Variants in PARP10 observed in about 807,000 individuals in gnomAD.
PARP10 encodes the protein poly(ADP-ribose) polymerase family member 10, also known as protein mono-ADP-ribosyltransferase PARP10.
In PARP10, 56 loss-of-function variants were observed where a neutral mutation model predicts 82.4. The observed-to-expected ratio is 0.68, with a 90% CI of 0.55 to 0.85. PARP10 has a LOEUF of 0.85. Among genes scored for constraint, PARP10 ranks in the 40% least tolerant of loss-of-function variants. The pLI, the probability that PARP10 is intolerant of heterozygous loss-of-function variation, is 0.00. For synonymous variants in PARP10, 576 were observed against 601.1 expected (o/e 0.96, Z 0.61); for missense variants, 1,227 against 1,379.4 (o/e 0.89, Z 1.75).
chr8:144,012,681 GGGCTTGGTGA>G, exon 1 of PARP10: 1 of 1,551,700 alleles, frequency 6.4e-7, no homozygotes, highest in Non-Finnish European at 8.7e-7. Flanking sequence ...GTTCACGAGT[GGGCTTGGTGA>G]GGCAACAGCA....
chr8:143,996,819 G>C (rs577799884), intron 1 of PARP10, among the ~76,000 whole-genome samples: 22 of 152,312 alleles, frequency 1.4e-4, no homozygotes, highest in Admixed American at 1.4e-3. Context: ...TGGGAGACTC[G>C]CAGCGGGCTG....
At position 143,977,786 on chromosome 8, in the gene PARP10, G is replaced by T; in HGVS notation, c.2776C>A (p.Leu926Met). The T allele has an allele frequency of 6.2e-7, 1 of 1,603,104 alleles. No homozygotes were observed. The highest frequency in any genetic ancestry group is 2.3e-5 in the East Asian group (1 of 44,224). Residue 926 changes from leucine (L) to methionine (M), a missense_variant, in exon 11 of 11, where the codon CTG becomes ATG. Coordinates refer to ENST00000313028, the MANE Select transcript of PARP10 (RefSeq NM_032789.5). ...GGCGAGTAGCGGTCCTGCACCGACA[G>T]GGAGGCGCGCCTGGCGAAATACACG... is the stretch of plus-strand genomic sequence containing the variant. ...KGVYFARRAS[L>M]SVQDRYSPPN...
chr8:143,998,979 T>G (rs1288307022), intron 1 of PARP10, among the ~76,000 whole-genome samples: 1 of 151,314 alleles, frequency 6.6e-6, no homozygotes, highest in Non-Finnish European at 1.5e-5. Context: ...AATCAAGCTT[T>G]TCTTTAATTC....
Position 143,998,071 on chromosome 8 carries a change from A to G in PARP10, c.-79-11633T>C, listed in dbSNP as rs531701384. Among the ~76,000 whole-genome samples, 139 of 152,112 alleles carry G rather than the reference A, an allele frequency of 9.1e-4. 1 individual carries two copies. The highest frequency in any genetic ancestry group is 3.3e-4 in the Admixed American group (5 of 15,274). On this transcript the variant is annotated intron_variant, in intron 1 of 3. Coordinates refer to the PARP10 transcript ENST00000530478. ...GCCTCCCAAAGTGCTGGGATTACAG[A>G]TATGAGCCACCGTGCCTAGCCAAGA... is the stretch of plus-strand genomic sequence containing the variant.
At chr8:143,990,100 T>A (rs1834065472), upstream of PARP10, 2 of 150,582 alleles carry the variant, frequency 1.3e-5, no homozygotes, top group African/African-American at 4.9e-5. The surrounding 1 kb of genome is among the most constrained non-coding windows in gnomAD (Gnocchi z 5.6). Flanking sequence ...CAGGCCCAGC[T>A]GAGCGGCCGC....
In PARP10 at chr8:143,983,822, G is replaced by A. The variant is rs1182358367; in HGVS notation, c.1778-11C>T. On this transcript the variant is annotated splice_polypyrimidine_tract_variant and intron_variant, in intron 7 of 10. Coordinates refer to ENST00000313028, the MANE Select transcript of PARP10 (RefSeq NM_032789.5). ...GTTCTCGGACCTCCTCTGGGGGCAG[G>A]GAGAGGCCATTGGGTCAGGGGCTGG... 21 of 1,562,844 alleles carry A rather than the reference G, an allele frequency of 1.3e-5. No homozygotes were observed. The highest frequency in any genetic ancestry group is 1.8e-5 in the Admixed American group (1 of 54,126).
chr8:143,980,122 C>T (rs1486419390), intron 9 of PARP10, among the ~76,000 whole-genome samples: 2 of 149,606 alleles, frequency 1.3e-5, no homozygotes, highest in Non-Finnish European at 3.0e-5. Context: ...GAGATTGAGA[C>T]CATCCTGGCT....
In PARP10 at chr8:144,011,982, A is replaced by G. The variant is rs935469983; in HGVS notation, c.-80+548T>C. Reference sequence around the variant, plus strand: ...CCAAGAAGGGGCATCCTGGCCAGGAAGGTGGAGTGGTGGGTTTTCATTCAA... The same window carrying G: ...CCAAGAAGGGGCATCCTGGCCAGGAGGGTGGAGTGGTGGGTTTTCATTCAA... On this transcript the variant is annotated intron_variant, in intron 1 of 3. Coordinates refer to the PARP10 transcript ENST00000530478. The surrounding 1 kb of genome is among the most constrained non-coding windows in gnomAD (Gnocchi z 4.5). Among the ~76,000 whole-genome samples the G allele has an allele frequency of 2.0e-5, 3 of 152,204 alleles. No individual in the cohort carries two copies. The highest frequency in any genetic ancestry group is 1.9e-4 in the East Asian group (1 of 5,196).
At chr8:143,998,563 G>A (rs1323118260) in intron 1 of PARP10, among the ~76,000 whole-genome samples, 1 of 152,116 alleles carries the variant, frequency 6.6e-6, no homozygotes, top group Non-Finnish European at 1.5e-5. Flanking sequence ...ATTAAAGACA[G>A]CAAATAAGGA....
intron 1 of PARP10, among the ~76,000 whole-genome samples, chr8:144,000,780 C>G (rs1834195998): frequency 6.6e-6 from 1 of 152,158 alleles, no homozygotes; most frequent in Non-Finnish European, 1.5e-5. Flanking sequence ...CATGGTGGCT[C>G]ACACCTATAA....
upstream of PARP10, chr8:143,991,267 CT>C: frequency 1.3e-6 from 2 of 1,552,524 alleles, no homozygotes; most frequent in East Asian, 2.4e-5. Flanking sequence ...GACAACTATC[CT>C]CCCCCCAACC....
Position 143,983,305 on chromosome 8 carries a change from C to T in PARP10, c.2284G>A (p.Val762Ile), listed in dbSNP as rs782376131. The T allele has an allele frequency of 2.5e-6, 4 of 1,612,630 alleles. No individual in the cohort carries two copies. In the South Asian group the frequency reaches 4.4e-5, roughly 18 times the overall value. ...ARLERCHGVS[V>I]ALRGDCTILR... The stretch of plus-strand genomic sequence containing the variant: ...ATGGTGCAGTCACCACGCAGGGCAA[C>T]ACTCACACCATGGCACCGCTCCAGG... The change falls in exon 8 of 11, where the codon GTT becomes ATT. Residue 762 changes from valine to isoleucine, a missense_variant. Transcript: ENST00000313028.
Position 143,985,902 on chromosome 8 carries a change from T to C in PARP10, c.255A>G (p.Pro85=), listed in dbSNP as rs782433513. The change falls in exon 3 of 11, where the codon CCA becomes CCG. Residue 85 remains proline, a synonymous_variant. Transcript: ENST00000313028. ...GAQLSLRPAP[P]RAPARLLLQG... ...GGAGCAGCAGGCGTGCAGGGGCTCGTGGTGGAGCTGGCCGCAGGCTCAGCT... is the reference window on the plus strand; with the variant it reads ...GGAGCAGCAGGCGTGCAGGGGCTCGCGGTGGAGCTGGCCGCAGGCTCAGCT... 1.3e-6 allele frequency: 2 copies of C among 1,583,092 alleles called. No individual in the cohort carries two copies. Among genetic ancestry groups the C allele is most frequent in the Non-Finnish European group, 1.7e-6 (2 of 1,161,298 alleles).
upstream of PARP10, chr8:143,991,015 C>T (rs112357076): frequency 2.4e-6 from 1 of 418,606 alleles, no homozygotes; most frequent in South Asian, 4.7e-5. Context: ...CCCACGGCGC[C>T]GCCCGTCCGG....
chr8:144,000,876 ATC>A (rs1268427567), intron 1 of PARP10, among the ~76,000 whole-genome samples: 1 of 150,364 alleles, frequency 6.7e-6, no homozygotes, highest in Non-Finnish European at 1.5e-5. Context: ...GTGAGACCTC[ATC>A]TCTACAAAAA....
At chr8:143,983,133 C>T (rs1232741538) in intron 8 of PARP10, 34 bp downstream of exon 8, 12 of 1,611,798 alleles carry the variant, frequency 7.4e-6, no homozygotes, top group Non-Finnish European at 1.0e-5. Flanking sequence ...AACCAGCCCA[C>T]CCCACCGTCC....
chr8:144,012,294 G>C, intron 1 of PARP10: 1 of 565,166 alleles, frequency 1.8e-6, no homozygotes, highest in Non-Finnish European at 3.2e-6. Flanking sequence ...TCCAGGCCGA[G>C]GCAAGGCCTG....
rs921395867 is a variant in PARP10 at position 143,985,916 on chromosome 8, G to A, written c.241C>T (p.Arg81Trp). ...GCAGGGGCTCGTGGTGGAGCTGGCC[G>A]CAGGCTCAGCTGGGCACCATGTAGT... is the stretch of plus-strand genomic sequence containing the variant. ...HELHGAQLSL[R>W]PAPPRAPARL... The change falls in exon 3 of 11, where the codon CGG becomes TGG. Residue 81 changes from arginine to tryptophan, a missense_variant. Arg to Trp is a moderately radical substitution (Grantham distance 101, BLOSUM62 -3). Coordinates refer to ENST00000313028, the MANE Select transcript of PARP10 (RefSeq NM_032789.5). 11 of 1,577,838 alleles carry A rather than the reference G, an allele frequency of 7.0e-6. No individual in the cohort carries two copies. The highest frequency in any genetic ancestry group is 2.7e-5 in the African/African-American group (2 of 74,158).
At chr8:144,000,002 C>T (rs554912883) in intron 1 of PARP10, among the ~76,000 whole-genome samples, 1 of 152,268 alleles carries the variant, frequency 6.6e-6, no homozygotes, top group East Asian at 1.9e-4. Context: ...TGTCTGAATA[C>T]ATAACGCTTG....
Sources: gnomAD v4.1 joint callset for allele counts (sites outside exome capture counted in the v4.1 genomes callset) on GRCh38, gnomAD v4.1.1 for gene constraint, Gnocchi (gnomAD v3.1) non-coding constraint, MANE v1.5 for transcripts, NCBI Gene and HGNC (gene_info 2026-07-23, HGNC 2026-07-21) for gene names.